Variants in JMJD1C observed in about 807,000 individuals in gnomAD.
The protein encoded by JMJD1C is jumonji domain-containing protein 1C.
In JMJD1C, 31 loss-of-function variants were observed where a neutral mutation model predicts 245.3. The observed-to-expected ratio is 0.13, with a 90% CI of 0.09 to 0.17. The LOEUF is 0.17. JMJD1C is among the 10% of genes least tolerant of loss of function. The pLI, the probability that JMJD1C is intolerant of heterozygous loss-of-function variation, is 1.00. For synonymous variants in JMJD1C, 1,057 were observed against 1,017.4 expected (o/e 1.04, Z -0.74); for missense variants, 2,691 against 3,000.2 (o/e 0.90, Z 2.41).
intron 19 of JMJD1C, among the ~76,000 whole-genome samples, 191 bp from the exon 20 acceptor site, chr10:63,185,844 A>T (rs1485494526): frequency 6.6e-6 from 1 of 152,262 alleles, no homozygotes; most frequent in Admixed American, 6.5e-5. Flanking sequence ...GTACATGAAT[A>T]GAATTCATTA....
intron 1 of JMJD1C, among the ~76,000 whole-genome samples, chr10:63,401,446 G>A (rs879867326): frequency 5.9e-5 from 9 of 151,312 alleles, no homozygotes; most frequent in South Asian, 2.1e-4. Flanking sequence ...AGGATCTCAC[G>A]GTATTGCCCA....
chr10:63,469,150 C>T (rs1953411239), upstream of JMJD1C, among the ~76,000 whole-genome samples: 1 of 152,148 alleles, frequency 6.6e-6, no homozygotes, highest in Admixed American at 6.5e-5. Flanking sequence ...CAATCATCTG[C>T]TCTCATACAT....
chr10:63,493,249 C>CT (rs752941477), intron 1 of JMJD1C, among the ~76,000 whole-genome samples: 14,092 of 49,014 alleles, frequency 0.29, 4,722 homozygotes, highest in African/African-American at 0.36. Flanking sequence ...ACTGTTATTT[C>CT]TTTTTTTTTT....
intron 1 of JMJD1C, among the ~76,000 whole-genome samples, chr10:63,510,574 G>C (rs1954844613): frequency 6.6e-6 from 1 of 152,186 alleles, no homozygotes; most frequent in African/African-American, 2.4e-5. Flanking sequence ...GATATGGCAT[G>C]ATCTCTAGTT....
At chr10:63,387,659 G>C (rs10995527) in intron 1 of JMJD1C, among the ~76,000 whole-genome samples, 1 of 77,226 alleles carries the variant, frequency 1.3e-5, no homozygotes, top group Non-Finnish European at 2.3e-5. Flanking sequence ...TTTTTGAGAC[G>C]GAGTCTCGCT....
At chr10:63,261,089 T>C (rs1854672941) in intron 3 of JMJD1C, among the ~76,000 whole-genome samples, 2 of 152,104 alleles carry the variant, frequency 1.3e-5, no homozygotes, top group Admixed American at 1.3e-4. Context: ...TAGAAACTTA[T>C]TTGTGTGCAC....
Position 63,226,734 on chromosome 10 carries a change from A to AAAG in JMJD1C, c.448-6752_448-6751insCTT, listed in dbSNP as rs1554845625. ...TGTTTCAAAAAAAAAAAAAAAAAAA[A>AAAG]AGAGAGAGAGAAGGACATGATGGAG... On this transcript the variant is annotated intron_variant, in intron 3 of 25. Transcript: ENST00000399262. Among the ~76,000 whole-genome samples, 79 of 144,652 alleles carry AAAG rather than the reference A, an allele frequency of 5.5e-4. 1 individual carries two copies. Among genetic ancestry groups the AAAG allele is most frequent in the East Asian group, 4.2e-3 (21 of 5,022 alleles). The allele number at this position is 144,652 out of a possible 152,430, so 94.9% of individuals were successfully genotyped here. A position where few individuals can be genotyped will look rare whatever the true frequency, so the allele number is the denominator to read the frequency against.
At chr10:63,470,351 A>G (rs576131342), upstream of JMJD1C, among the ~76,000 whole-genome samples, 1 of 152,340 alleles carries the variant, frequency 6.6e-6, no homozygotes, top group African/African-American at 2.4e-5. Context: ...AATCTCGGAC[A>G]TAAATGAGAG....
At chr10:63,416,591 T>C (rs973966197) in intron 1 of JMJD1C, among the ~76,000 whole-genome samples, 2 of 152,132 alleles carry the variant, frequency 1.3e-5, no homozygotes, top group Non-Finnish European at 2.9e-5. Context: ...TTCTCAAACA[T>C]CTGCTAAAGG....
chr10:63,289,248 T>C (rs1387313540), intron 2 of JMJD1C, among the ~76,000 whole-genome samples: 1 of 152,156 alleles, frequency 6.6e-6, no homozygotes, highest in Non-Finnish European at 1.5e-5. Context: ...TTCTACTCAG[T>C]TCATTCTTTT....
chr10:63,400,478 G>C (rs1948782205), intron 1 of JMJD1C, among the ~76,000 whole-genome samples: 1 of 152,078 alleles, frequency 6.6e-6, no homozygotes, highest in African/African-American at 2.4e-5. Context: ...GTGTAGTTTG[G>C]TTCATTTTTT....
intron 3 of JMJD1C, among the ~76,000 whole-genome samples, chr10:63,253,590 TG>T (rs1223588510): frequency 6.6e-6 from 1 of 152,142 alleles, no homozygotes; most frequent in Non-Finnish European, 1.5e-5. Context: ...TTCACCATGT[TG>T]GCTAGGCTGG....
intron 2 of JMJD1C, among the ~76,000 whole-genome samples, chr10:63,308,061 G>T (rs1044602449): frequency 1.3e-5 from 2 of 151,940 alleles, no homozygotes; most frequent in Middle Eastern, 3.2e-3. Context: ...GACTGACGCA[G>T]AATCATTTGA....
chr10:63,248,551 T>A, intron 3 of JMJD1C, among the ~76,000 whole-genome samples: 1 of 151,254 alleles, frequency 6.6e-6, no homozygotes, highest in Admixed American at 6.6e-5. Flanking sequence ...AATAAATAAA[T>A]AAATAAATAA....
chr10:63,454,792 T>C (rs1952303806), intron 1 of JMJD1C, among the ~76,000 whole-genome samples: 1 of 152,346 alleles, frequency 6.6e-6, no homozygotes, highest in African/African-American at 2.4e-5. Flanking sequence ...AGCACAGCTC[T>C]GTAATTCCCC....
intron 1 of JMJD1C, among the ~76,000 whole-genome samples, chr10:63,487,380 T>C (rs1000505607): frequency 6.6e-6 from 1 of 152,162 alleles, no homozygotes; most frequent in Non-Finnish European, 1.5e-5. Flanking sequence ...CTTGGGACAT[T>C]TGGCAATGTC....
intron 1 of JMJD1C, among the ~76,000 whole-genome samples, chr10:63,498,222 T>C (rs766919510): frequency 1.3e-5 from 2 of 152,136 alleles, no homozygotes; most frequent in Non-Finnish European, 2.9e-5. Context: ...AGTTTGAGGA[T>C]GGGAGCAAAT....
At position 63,271,970 on chromosome 10, in the gene JMJD1C, G is replaced by A. The variant is rs183171276; in HGVS notation, c.334-7206C>T. ...TACCTGTAGTCTCAGCTACTCTGGA[G>A]GCTGAGGCAGGAGAATTGTTTGAAC... On this transcript the variant is annotated intron_variant, in intron 2 of 25. Transcript: ENST00000399262. Among the ~76,000 whole-genome samples, 321 of 150,908 alleles carry A rather than the reference G, an allele frequency of 2.1e-3. 3 individuals are homozygous for A. The South Asian group carries it at 0.029, about 14-fold the overall frequency.
At chr10:63,376,651 T>C (rs545664031) in intron 2 of JMJD1C, among the ~76,000 whole-genome samples, 10 of 152,118 alleles carry the variant, frequency 6.6e-5, no homozygotes, top group South Asian at 4.1e-4. Context: ...GACATACAAA[T>C]GGCCAAGAAG....
Sources: gnomAD v4.1 joint callset for allele counts (sites outside exome capture counted in the v4.1 genomes callset) on GRCh38, gnomAD v4.1.1 for gene constraint, MANE v1.5 for transcripts, NCBI Gene and HGNC (gene_info 2026-07-23, HGNC 2026-07-21) for gene names.